Variants in CACNA1A observed in about 807,000 individuals in gnomAD.
CACNA1A encodes the protein calcium voltage-gated channel subunit alpha1 A, also known as voltage-dependent P/Q-type calcium channel subunit alpha-1A.
Under a neutral mutation model 262.4 loss-of-function variants are expected in CACNA1A, and 57 were observed. The ratio of observed to expected loss-of-function variants is 0.22; its 90% confidence interval spans 0.18 to 0.27. The LOEUF is 0.27. CACNA1A is among the 10% of genes least tolerant of loss of function. The probability of loss-of-function intolerance (pLI) is 1.00; values close to 1 mark genes in which losing one functional copy is unlikely to be tolerated. For synonymous variants in CACNA1A, 1,431 were observed against 1,419.3 expected, an observed-to-expected ratio of 1.01 and a Z score of -0.18; for missense variants, 2,526 against 3,562.8, an observed-to-expected ratio of 0.71 and a Z score of 7.41.
rs115169296 is a variant in CACNA1A, at chr19:13,389,546, G to A, written c.540-17767C>T. On this transcript the variant is annotated intron_variant, in intron 3 of 46. Coordinates refer to ENST00000360228, the MANE Select transcript of CACNA1A (RefSeq NM_001127222.2). ...TGGTGCAAGACTTTCCTCTGTGCCC[G>A]CATCGCTGGAAACCCTTGGCTTATT... 9.6e-3 allele frequency among the ~76,000 whole-genome samples: 1,459 copies of A among 152,164 alleles called. 28 individuals are homozygous for A. Among genetic ancestry groups the A allele is most frequent in the African/African-American group, 0.032 (1,345 of 41,508 alleles).
intron 6 of CACNA1A, among the ~76,000 whole-genome samples, chr19:13,354,235 G>A (rs140961753): frequency 2.1e-4 from 32 of 152,298 alleles, no homozygotes; most frequent in African/African-American, 7.2e-4. Context: ...TGCTTGGAGC[G>A]ACTGTCTGGA....
intron 34 of CACNA1A, among the ~76,000 whole-genome samples, chr19:13,234,115 C>T (rs1353633369): frequency 5.3e-5 from 8 of 150,286 alleles, no homozygotes; most frequent in Admixed American, 2.7e-4. Flanking sequence ...TTTGGGAGGC[C>T]GAGGCGGGCG....
intron 36 of CACNA1A, chr19:13,228,983 C>G: frequency 2.8e-6 from 1 of 356,346 alleles, no homozygotes; most frequent in Non-Finnish European, 5.1e-6. Context: ...GGATGTCAGT[C>G]GAGTTCGGGA....
intron 3 of CACNA1A, among the ~76,000 whole-genome samples, chr19:13,390,420 A>T (rs1450584334): frequency 1.3e-5 from 2 of 152,146 alleles, no homozygotes; most frequent in African/African-American, 4.8e-5. Flanking sequence ...ACCCTCATGT[A>T]GCCTTGATCA....
chr19:13,352,821 G>A (rs2058938155), intron 6 of CACNA1A, among the ~76,000 whole-genome samples: 1 of 152,212 alleles, frequency 6.6e-6, no homozygotes, highest in Admixed American at 6.5e-5. Context: ...TGCCCAGGCT[G>A]GAGTGCAGTG....
intron 1 of CACNA1A, among the ~76,000 whole-genome samples, chr19:13,496,286 C>T (rs902519123): frequency 6.6e-6 from 1 of 152,140 alleles, no homozygotes; most frequent in Non-Finnish European, 1.5e-5. Context: ...GTGTAAGACC[C>T]AAACACTCCA....
intron 38 of CACNA1A, among the ~76,000 whole-genome samples, chr19:13,221,415 T>G (rs2055226521): frequency 6.7e-6 from 1 of 149,828 alleles, no homozygotes; most frequent in Non-Finnish European, 1.5e-5. Context: ...GTATTTTTAG[T>G]GGAGATGGGG....
chr19:13,241,644 C>A lies in CACNA1A; in HGVS notation c.4950+3538G>T. ...GCCAAAAAACCAATGGGTTTCGGTT[C>A]CCGGGCGGGGAGTGGGGGTGGTGGT... On this transcript the variant is annotated intron_variant, in intron 31 of 46. Transcript: ENST00000360228. This position sits in a 1 kb window ranked among gnomAD's most constrained non-coding sequence, Gnocchi z 4.0. The A allele has an allele frequency of 1.5e-6, 1 of 678,482 alleles. No homozygotes were observed. The highest frequency in any genetic ancestry group is 2.7e-6 in the Non-Finnish European group (1 of 372,796). The allele number at this position is 678,482 out of a possible 1,614,324, so 42.0% of individuals were successfully genotyped here.
At chr19:13,400,670 G>T (rs1407847478) in intron 3 of CACNA1A, among the ~76,000 whole-genome samples, 1 of 152,166 alleles carries the variant, frequency 6.6e-6, no homozygotes, top group Admixed American at 6.5e-5. Flanking sequence ...ATTTGGCAAT[G>T]TGTGGAGACA....
At chr19:13,208,128 AAG>A (rs921041116) in intron 46 of CACNA1A, 75 bp from the exon 47 acceptor site, 90 of 854,736 alleles carry the variant, frequency 1.1e-4, no homozygotes, top group Non-Finnish European at 6.2e-5. Flanking sequence ...GATTGGGAGG[AAG>A]AGAGGGGAGC....
At position 13,298,562 on chromosome 19, in the gene CACNA1A, C is replaced by T. The variant is rs1458500776; in HGVS notation, c.3071G>A (p.Arg1024Gln). The change falls in exon 19 of 47, where the codon CGG becomes CAG. Residue 1024 changes from arginine (R) to glutamine (Q), a missense_variant. Arg to Gln is a conservative substitution (Grantham distance 43). Transcript: ENST00000360228. ...CACTTACTTCCTCCTCCGATGCCTC[C>T]GCTCCTTGTCCTCCCTCCGCGCGTC... ...EGDARREDKERRHRRRKENQG... is the reference protein window; with the variant it reads ...EGDARREDKEQRHRRRKENQG... 1.3e-6 allele frequency: 2 copies of T among 1,543,392 alleles called. No homozygotes were observed. Among genetic ancestry groups the T allele is most frequent in the Admixed American group, 2.0e-5 (1 of 50,610 alleles).
intron 10 of CACNA1A, among the ~76,000 whole-genome samples, chr19:13,321,389 T>A (rs1041097021): frequency 4.6e-5 from 7 of 152,130 alleles, no homozygotes; most frequent in Admixed American, 4.6e-4. Flanking sequence ...CAAGGATTCA[T>A]CTGGTGATTT....
At chr19:13,368,814 G>A (rs1188581742) in intron 4 of CACNA1A, among the ~76,000 whole-genome samples, 4 of 147,016 alleles carry the variant, frequency 2.7e-5, no homozygotes, top group African/African-American at 5.4e-5. Context: ...CGAGGCGGGC[G>A]GATCACGAGG....
intron 19 of CACNA1A, among the ~76,000 whole-genome samples, chr19:13,289,852 A>T (rs936507416): frequency 6.6e-6 from 1 of 151,624 alleles, no homozygotes; most frequent in African/African-American, 2.4e-5. Context: ...CCGCTGTTAT[A>T]TTCTGGAAAC....
rs973292390 is a variant in CACNA1A, at chr19:13,330,404, T to C, written c.1256-71A>G. Reference sequence around the variant, plus strand: ...TGCAACACAGACCATATGGACACAGTGTGTCCTTGGATTTAACTCTCACGG... The same window carrying C: ...TGCAACACAGACCATATGGACACAGCGTGTCCTTGGATTTAACTCTCACGG... On this transcript the variant is annotated intron_variant, in intron 9 of 46. Coordinates refer to ENST00000360228, the MANE Select transcript of CACNA1A (RefSeq NM_001127222.2). 4.6e-6 allele frequency: 5 copies of C among 1,086,600 alleles called. No homozygotes were observed. In the African/African-American group the frequency reaches 6.2e-5, roughly 14 times the overall value. The allele number at this position is 1,086,600 out of a possible 1,614,324, so 67.3% of individuals were successfully genotyped here.
intron 1 of CACNA1A, 42 bp downstream of exon 1, chr19:13,505,871 AGGGGAGGCGGAGGGAGGAG>A (rs996203346): frequency 3.3e-6 from 5 of 1,523,248 alleles, no homozygotes; most frequent in Non-Finnish European, 4.5e-6. Flanking sequence ...AGCCTGGAAG[AGGGGAGGCGGAGGGAGGAG>A]GGGGAGGCGC....
intron 1 of CACNA1A, among the ~76,000 whole-genome samples, chr19:13,459,817 A>G (rs2061085108): frequency 1.3e-5 from 2 of 152,146 alleles, no homozygotes; most frequent in African/African-American, 4.8e-5. Flanking sequence ...CTGGCACTGA[A>G]GGTTCCAGGA....
intron 3 of CACNA1A, among the ~76,000 whole-genome samples, chr19:13,380,745 GTTTGTTTATTTATTTATTTATTTATTTA>G (rs1256338696): frequency 2.8e-5 from 4 of 142,886 alleles, no homozygotes; most frequent in African/African-American, 1.1e-4. Flanking sequence ...TTGTTTGTTT[GTTTGTTTATTTATTTATTTATTTATTTA>G]TTTATTTATT....
At chr19:13,481,042 G>C (rs1010517892) in intron 1 of CACNA1A, among the ~76,000 whole-genome samples, 3 of 152,106 alleles carry the variant, frequency 2.0e-5, no homozygotes, top group African/African-American at 7.2e-5. Context: ...CTCTCTCTCT[G>C]TTTCGGTTTT....
Sources: gnomAD v4.1 joint callset for allele counts (sites outside exome capture counted in the v4.1 genomes callset) on GRCh38, gnomAD v4.1.1 for gene constraint, Gnocchi (gnomAD v3.1) non-coding constraint, MANE v1.5 for transcripts, NCBI Gene and HGNC (gene_info 2026-07-23, HGNC 2026-07-21) for gene names.